Variants in PCNX2 observed in about 807,000 individuals in gnomAD.
The protein encoded by PCNX2 is pecanex 2.
PCNX2 carries 168 observed loss-of-function variants against 223.8 expected under a neutral mutation model. The ratio of observed to expected loss-of-function variants is 0.75; its 90% CI spans 0.66 to 0.85. The LOEUF (loss-of-function observed/expected upper bound fraction) is 0.85. PCNX2 is among the 40% of genes least tolerant of loss of function. The pLI is 0.00. For synonymous variants in PCNX2, 1,006 were observed against 1,052.6 expected (o/e 0.96, Z 0.86); for missense variants, 2,507 against 2,675.5 (o/e 0.94, Z 1.39).
In PCNX2 at chr1:233,000,377, C is replaced by T. The variant is rs776441190; in HGVS notation, c.5256G>A (p.Val1752=). 7.4e-6 allele frequency: 12 copies of T among 1,613,206 alleles called. No individual in the cohort carries two copies. In the African/African-American group the frequency reaches 1.3e-4, roughly 18 times the overall value. The change falls in exon 30 of 34, where the codon GTG becomes GTA. Residue 1752 remains valine (V), a synonymous_variant. Coordinates refer to ENST00000258229, the MANE Select transcript of PCNX2 (RefSeq NM_014801.4). The surrounding 1 kb of genome is among the most constrained non-coding windows in gnomAD (Gnocchi z 4.6). ...NKEELLTLRH[V]VDEGADEYKV... ...TGTACTCGTCGGCACCCTCGTCCAC[C>T]ACGTGCCGCAGGGTGAGCAGCTCTT... is the stretch of plus-strand genomic sequence containing the variant.
intron 32 of PCNX2, 129 bp from the exon 33 acceptor site, chr1:232,986,669 G>T (rs902063772): frequency 1.5e-5 from 13 of 854,884 alleles, no homozygotes; most frequent in Non-Finnish European, 2.2e-5. Flanking sequence ...TGCAAGGCTG[G>T]GACAAGAGCT....
the PCNX2 span, among the ~76,000 whole-genome samples, chr1:233,310,927 TAC>T: frequency 1.3e-5 from 2 of 152,072 alleles, no homozygotes; most frequent in Non-Finnish European, 2.9e-5. Flanking sequence ...ACAAGGAGTG[TAC>T]CAGGCTGTTC....
intron 21 of PCNX2, among the ~76,000 whole-genome samples, chr1:233,104,061 A>T (rs75416724): frequency 1.3e-5 from 2 of 152,138 alleles, no homozygotes; most frequent in African/African-American, 4.8e-5. Context: ...TTTTCAAAGT[A>T]CTAGAGGAAA....
chr1:233,259,428 CT>C, intron 4 of PCNX2, 84 bp from the exon 5 acceptor site: 1 of 1,434,858 alleles, frequency 7.0e-7, no homozygotes, highest in Admixed American at 2.8e-5. Flanking sequence ...AATAACAAAA[CT>C]AAAACAGCAC....
chr1:233,141,287 A>G (rs1416383541), intron 19 of PCNX2, among the ~76,000 whole-genome samples: 1 of 152,236 alleles, frequency 6.6e-6, no homozygotes, highest in Non-Finnish European at 1.5e-5. Flanking sequence ...AAACTATTTT[A>G]CTTTCTACTT....
intron 25 of PCNX2, among the ~76,000 whole-genome samples, chr1:233,044,014 A>C (rs1271477599): frequency 6.6e-6 from 1 of 151,562 alleles, no homozygotes; most frequent in African/African-American, 2.4e-5. Flanking sequence ...ACTAGTTTAC[A>C]GTCCCACCAA....
At chr1:233,109,475 A>C (rs1160381775) in intron 21 of PCNX2, among the ~76,000 whole-genome samples, 2 of 152,230 alleles carry the variant, frequency 1.3e-5, no homozygotes, top group African/African-American at 4.8e-5. Flanking sequence ...GAGAGATGGA[A>C]ACTATAAAAT....
At chr1:232,992,617 A>C (rs1384655211) in intron 32 of PCNX2, among the ~76,000 whole-genome samples, 1 of 152,130 alleles carries the variant, frequency 6.6e-6, no homozygotes, top group East Asian at 1.9e-4. Context: ...GGGCCAGCTC[A>C]CCTGGGAATG....
At chr1:233,303,973 A>G in the PCNX2 span, among the ~76,000 whole-genome samples, 2 of 152,316 alleles carry the variant, frequency 1.3e-5, no homozygotes, top group East Asian at 3.9e-4. Flanking sequence ...AGTCTGTTAC[A>G]TTTAATGCAG....
At chr1:233,160,466 A>G (rs1282418994) in intron 18 of PCNX2, 33 bp from the exon 19 acceptor site, 1 of 1,600,954 alleles carries the variant, frequency 6.2e-7, no homozygotes, top group South Asian at 1.1e-5. Flanking sequence ...CTCATTACTT[A>G]GCCTAGAGGA....
chr1:233,071,216 G>C (rs1672840533), intron 23 of PCNX2, among the ~76,000 whole-genome samples: 1 of 152,016 alleles, frequency 6.6e-6, no homozygotes, highest in African/African-American at 2.4e-5. Flanking sequence ...TGTCATATAG[G>C]TAAACTTGTG....
At chr1:233,312,404 A>G in the PCNX2 span, among the ~76,000 whole-genome samples, 1 of 152,174 alleles carries the variant, frequency 6.6e-6, no homozygotes, top group Non-Finnish European at 1.5e-5. Flanking sequence ...AGAAGATACT[A>G]AAAGTCTTTA....
intron 9 of PCNX2, among the ~76,000 whole-genome samples, chr1:233,236,287 G>T (rs537302561): frequency 1.3e-5 from 2 of 151,860 alleles, no homozygotes; most frequent in East Asian, 3.9e-4. Flanking sequence ...TGAATCCTTG[G>T]CTCTGCCTCC....
At chr1:233,308,264 C>T in the PCNX2 span, among the ~76,000 whole-genome samples, 2 of 152,066 alleles carry the variant, frequency 1.3e-5, no homozygotes, top group African/African-American at 2.4e-5. Flanking sequence ...TGAAACCAGC[C>T]TGGCCAACAT....
intron 23 of PCNX2, among the ~76,000 whole-genome samples, chr1:233,082,465 A>G (rs1673405207): frequency 6.6e-6 from 1 of 152,208 alleles, no homozygotes; most frequent in South Asian, 2.1e-4. Flanking sequence ...TCGAACAAAT[A>G]AAAATGTGTT....
chr1:233,078,179 A>G (rs1430751843), intron 23 of PCNX2, among the ~76,000 whole-genome samples: 1 of 152,246 alleles, frequency 6.6e-6, no homozygotes, highest in Non-Finnish European at 1.5e-5. Flanking sequence ...CAAATGCAAA[A>G]GCCTCCCAGT....
intron 9 of PCNX2, among the ~76,000 whole-genome samples, chr1:233,235,985 T>TATATATATATATATATATATATATAA (rs1265599637): frequency 7.0e-6 from 1 of 143,632 alleles, no homozygotes. Flanking sequence ...TATATATATA[T>TATATATATATATATATATATATATAA]AATTATATTA....
chr1:233,284,231 G>A (rs545024604), intron 1 of PCNX2, among the ~76,000 whole-genome samples: 1 of 152,284 alleles, frequency 6.6e-6, no homozygotes, highest in East Asian at 1.9e-4. Flanking sequence ...ACTTTTCTGG[G>A]TGTGATAATT....
At chr1:233,231,238 C>T (rs1409594939) in intron 9 of PCNX2, among the ~76,000 whole-genome samples, 1 of 151,994 alleles carries the variant, frequency 6.6e-6, no homozygotes, top group South Asian at 2.1e-4. Context: ...GAGAAAGCTA[C>T]CTTCACAGCA....
Sources: allele counts gnomAD v4.1 joint callset (sites outside exome capture counted in the v4.1 genomes callset), GRCh38; gene constraint gnomAD v4.1.1; non-coding constraint Gnocchi (gnomAD v3.1); transcripts MANE v1.5; gene names NCBI Gene and HGNC (gene_info 2026-07-23, HGNC 2026-07-21).